PLGRKT: variants seen among roughly 807,000 people sequenced by gnomAD.
PLGRKT encodes plasminogen receptor (KT).
Under a neutral mutation model 18.5 loss-of-function variants are expected in PLGRKT, and 22 were observed. The observed-to-expected ratio is 1.19, with a 90% CI of 0.85 to 1.70. The LOEUF (loss-of-function observed/expected upper bound fraction) is 1.70, where lower values mean the gene tolerates loss of function less well. PLGRKT is among the 40% of genes most tolerant of loss of function. The pLI is 0.00. For synonymous variants in PLGRKT, 72 were observed against 52.8 expected (o/e 1.36, Z -1.58); for missense variants, 235 against 174.4 (o/e 1.35, Z -1.96).
At chr9:5,375,543 T>C (rs1199519565) in intron 3 of PLGRKT, among the ~76,000 whole-genome samples, 1 of 152,176 alleles carries the variant, frequency 6.6e-6, no homozygotes, top group Non-Finnish European at 1.5e-5. Context: ...TGTATAATCT[T>C]AGAGAGGCAA....
At chr9:5,372,053 C>T (rs1004782640) in intron 3 of PLGRKT, among the ~76,000 whole-genome samples, 4 of 131,826 alleles carry the variant, frequency 3.0e-5, no homozygotes, top group African/African-American at 1.2e-4. Flanking sequence ...GCGATATTGG[C>T]TCACTGCAAC....
At chr9:5,364,844 C>G (rs1173571853) in intron 3 of PLGRKT, among the ~76,000 whole-genome samples, 1 of 152,010 alleles carries the variant, frequency 6.6e-6, no homozygotes, top group Non-Finnish European at 1.5e-5. Flanking sequence ...TACAAACAAG[C>G]AAGAGGAAAA....
intron 3 of PLGRKT, among the ~76,000 whole-genome samples, chr9:5,398,522 A>G (rs1466855112): frequency 6.6e-6 from 1 of 151,890 alleles, no homozygotes; most frequent in East Asian, 1.9e-4. Context: ...TGGAGAAGGA[A>G]GTCCACAGAG....
chr9:5,381,011 A>G (rs1265983671), intron 3 of PLGRKT, among the ~76,000 whole-genome samples: 2 of 152,308 alleles, frequency 1.3e-5, no homozygotes, highest in South Asian at 2.1e-4. Context: ...CTTTCCTGCC[A>G]CCATGAAAGA....
At chr9:5,413,200 TA>T (rs1239507351) in intron 3 of PLGRKT, among the ~76,000 whole-genome samples, 3 of 152,250 alleles carry the variant, frequency 2.0e-5, no homozygotes, top group Non-Finnish European at 4.4e-5. Context: ...ATCTCAACTC[TA>T]AAAATCTACC....
chr9:5,391,352 TAAGAA>T (rs956222247), intron 3 of PLGRKT, among the ~76,000 whole-genome samples: 1 of 151,932 alleles, frequency 6.6e-6, no homozygotes, highest in African/African-American at 2.4e-5. Context: ...AAAGCTAAGA[TAAGAA>T]AAGAAAGTCA....
At chr9:5,426,270 T>C (rs1818696326) in intron 3 of PLGRKT, among the ~76,000 whole-genome samples, 2 of 152,202 alleles carry the variant, frequency 1.3e-5, no homozygotes, top group African/African-American at 2.4e-5. Flanking sequence ...GATTCGCTGG[T>C]GTTCATCTTA....
chr9:5,438,234 C>G (rs985818921), upstream of PLGRKT, among the ~76,000 whole-genome samples: 1 of 152,120 alleles, frequency 6.6e-6, no homozygotes, highest in Admixed American at 6.6e-5. Context: ...TGAACAGAGC[C>G]GTCTTTCTCC....
intron 3 of PLGRKT, among the ~76,000 whole-genome samples, chr9:5,421,197 T>C (rs576252904): frequency 2.0e-5 from 3 of 152,328 alleles, no homozygotes; most frequent in African/African-American, 7.2e-5. Flanking sequence ...TTGCTGTTCT[T>C]CCAACTCACC....
At position 5,423,976 on chromosome 9, in the gene PLGRKT, TATATGTA is replaced by T. The variant is rs1818627513; in HGVS notation, c.81+7914_81+7920del. On this transcript the variant is annotated intron_variant, in intron 3 of 5. Transcript: ENST00000223864. ...TGTAATATGTATGTGTAATACACAA[TATATGTA>T]ATATGTAATATATATGTATTTATTT... Among the ~76,000 whole-genome samples, 5 of 138,614 alleles carry T rather than the reference TATATGTA, an allele frequency of 3.6e-5. No individual in the cohort carries two copies. The South Asian group carries it at 1.1e-3, about 30-fold the overall frequency. The allele number at this position is 138,614 out of a possible 152,430, so 90.9% of individuals were successfully genotyped here.
chr9:5,379,414 A>G (rs1014760771), intron 3 of PLGRKT, among the ~76,000 whole-genome samples: 1 of 152,226 alleles, frequency 6.6e-6, no homozygotes, highest in African/African-American at 2.4e-5. Flanking sequence ...CTGAATATTT[A>G]CATTAAGATT....
Position 5,418,241 on chromosome 9 carries a change from G to T in PLGRKT, c.81+13656C>A. 2.8e-6 allele frequency: 1 copy of T among 359,860 alleles called. No homozygotes were observed. The highest frequency in any genetic ancestry group is 5.3e-6 in the Non-Finnish European group (1 of 189,146). 22.3% of individuals were successfully genotyped at this position (359,860 alleles called of 1,614,324 possible). A position where few individuals can be genotyped will look rare whatever the true frequency, so the allele number is the denominator to read the frequency against. On this transcript the variant is annotated intron_variant, in intron 3 of 5. Coordinates refer to ENST00000223864, the MANE Select transcript of PLGRKT (RefSeq NM_018465.4). This position sits in a 1 kb window ranked among gnomAD's most constrained non-coding sequence, Gnocchi z 4.2. ...TGTCTGTCTTGCGGTAAATCAAGAGGCAAACCAGAGGCCAGCTCTCAGCAC... is the reference window on the plus strand; with the variant it reads ...TGTCTGTCTTGCGGTAAATCAAGAGTCAAACCAGAGGCCAGCTCTCAGCAC...
chr9:5,373,691 G>T (rs942910226), intron 3 of PLGRKT, among the ~76,000 whole-genome samples: 1 of 152,062 alleles, frequency 6.6e-6, no homozygotes, highest in Non-Finnish European at 1.5e-5. Context: ...TTGGCTACTT[G>T]GCAGGCTGAG....
intron 3 of PLGRKT, among the ~76,000 whole-genome samples, chr9:5,424,712 G>A (rs1408016525): frequency 3.2e-5 from 4 of 126,762 alleles, no homozygotes; most frequent in South Asian, 2.3e-4. Context: ...GGGGGAGAGA[G>A]GGAGAGACAG....
chr9:5,363,154 G>T (rs1036515510), intron 3 of PLGRKT, among the ~76,000 whole-genome samples: 25 of 151,872 alleles, frequency 1.6e-4, no homozygotes, highest in Admixed American at 6.5e-4. Context: ...GTGAACATAA[G>T]CCAGTGGCTG....
chr9:5,407,064 T>A (rs1818271663), intron 3 of PLGRKT, among the ~76,000 whole-genome samples: 1 of 152,216 alleles, frequency 6.6e-6, no homozygotes, highest in Admixed American at 6.5e-5. Context: ...GAGGTCTTCA[T>A]GTATAAAATT....
intron 3 of PLGRKT, among the ~76,000 whole-genome samples, chr9:5,391,491 G>A (rs943614695): frequency 6.6e-6 from 1 of 151,890 alleles, no homozygotes; most frequent in African/African-American, 2.4e-5. Context: ...TGTGCTTCTG[G>A]GTACAAAGAT....
chr9:5,424,132 T>C (rs1228922701), intron 3 of PLGRKT, among the ~76,000 whole-genome samples: 1 of 141,514 alleles, frequency 7.1e-6, no homozygotes, highest in African/African-American at 2.6e-5. Context: ...TAATATATAT[T>C]ACATATATTA....
chr9:5,392,679 C>T (rs1817972109), intron 3 of PLGRKT: 1 of 151,728 alleles, frequency 6.6e-6, no homozygotes, highest in African/African-American at 2.4e-5. Flanking sequence ...AATTAGATCT[C>T]CTTACTGGGT....
Sources: allele counts gnomAD v4.1 joint callset (sites outside exome capture counted in the v4.1 genomes callset), GRCh38; gene constraint gnomAD v4.1.1; non-coding constraint Gnocchi (gnomAD v3.1); transcripts MANE v1.5; gene names NCBI Gene and HGNC (gene_info 2026-07-23, HGNC 2026-07-21).